LRP1B: variants seen among roughly 807,000 people sequenced by gnomAD.
The protein encoded by LRP1B is low-density lipoprotein receptor-related protein 1B.
A neutral mutation model predicts 556.6 loss-of-function variants in LRP1B; 217 were observed. The ratio of observed to expected loss-of-function variants is 0.39; its 90% CI spans 0.35 to 0.44. The LOEUF (loss-of-function observed/expected upper bound fraction) is 0.44. Among genes scored for constraint, LRP1B ranks in the 20% least tolerant of loss-of-function variants. The pLI, the probability that LRP1B is intolerant of heterozygous loss-of-function variation, is 1.00. For synonymous variants in LRP1B, 2,047 were observed against 1,865.8 expected, an observed-to-expected ratio of 1.10 and a Z score of -2.50; for missense variants, 5,053 against 5,620.8, an observed-to-expected ratio of 0.90 and a Z score of 3.23.
intron 1 of LRP1B, among the ~76,000 whole-genome samples, chr2:141,890,250 C>T (rs766440231): frequency 1.7e-4 from 26 of 149,652 alleles, no homozygotes; most frequent in Admixed American, 1.1e-3. Context: ...CAGTTATCAG[C>T]ATTGTTGTCT....
At chr2:141,843,913 G>C (rs1188526402) in intron 1 of LRP1B, among the ~76,000 whole-genome samples, 1 of 152,060 alleles carries the variant, frequency 6.6e-6, no homozygotes, top group Non-Finnish European at 1.5e-5. Flanking sequence ...GCTTTACCCA[G>C]GGAACCATAA....
chr2:141,068,703 G>A (rs1699551676), intron 7 of LRP1B, among the ~76,000 whole-genome samples: 1 of 151,888 alleles, frequency 6.6e-6, no homozygotes, highest in African/African-American at 2.4e-5. Flanking sequence ...TGATTTTACA[G>A]GCTGCTCATT....
chr2:140,454,067 C>T (rs1161278864), intron 62 of LRP1B, among the ~76,000 whole-genome samples: 1 of 152,132 alleles, frequency 6.6e-6, no homozygotes, highest in Non-Finnish European at 1.5e-5. Context: ...GTAAAATGGC[C>T]TCATAAACGA....
At chr2:140,989,133 T>C (rs955678017) in intron 17 of LRP1B, among the ~76,000 whole-genome samples, 1 of 152,114 alleles carries the variant, frequency 6.6e-6, no homozygotes, top group African/African-American at 2.4e-5. Flanking sequence ...AGAGGTATTC[T>C]ATAGTAGACT....
intron 2 of LRP1B, among the ~76,000 whole-genome samples, chr2:141,678,651 A>G (rs1172594448): frequency 1.3e-5 from 2 of 152,154 alleles, no homozygotes; most frequent in Non-Finnish European, 2.9e-5. Context: ...AGTATTCAGA[A>G]CACTCAAAGA....
intron 3 of LRP1B, among the ~76,000 whole-genome samples, chr2:141,287,170 T>G (rs1312229610): frequency 6.6e-6 from 1 of 152,178 alleles, no homozygotes; most frequent in Admixed American, 6.5e-5. Context: ...ACATTCTCTA[T>G]TACTTGTTTT....
At chr2:141,205,721 G>C (rs1273133143) in intron 6 of LRP1B, among the ~76,000 whole-genome samples, 2 of 152,056 alleles carry the variant, frequency 1.3e-5, no homozygotes, top group African/African-American at 2.4e-5. Context: ...GCATCTGATA[G>C]AGAAAAGCCT....
intron 1 of LRP1B, among the ~76,000 whole-genome samples, chr2:142,094,576 T>C (rs1706290951): frequency 6.6e-6 from 1 of 151,962 alleles, no homozygotes; most frequent in South Asian, 2.1e-4. Context: ...TATTTTAGGG[T>C]ATAATATTAT....
rs2104870838 is a variant in LRP1B at position 140,233,279 on chromosome 2, C to A, written c.13707G>T (p.Gly4569=). 1.2e-6 allele frequency: 2 copies of A among 1,604,694 alleles called. No individual in the cohort carries two copies. The highest frequency in any genetic ancestry group is 1.1e-5 in the South Asian group (1 of 90,638). Reference sequence around the variant, plus strand: ...TTCCTAAGGAGTTTCGACAGTTTTGCCCATCCATATATAATTTTGCATATA... The same window carrying A: ...TTCCTAAGGAGTTTCGACAGTTTTGACCATCCATATATAATTTTGCATATA... ...NPVYAKLYMD[G]QNCRNSLGSV... Residue 4569 remains glycine, a synonymous_variant, in exon 91 of 91, where the codon GGG becomes GGT. Transcript: ENST00000389484.
At chr2:140,886,821 C>A (rs1260137475) in intron 23 of LRP1B, among the ~76,000 whole-genome samples, 1 of 152,168 alleles carries the variant, frequency 6.6e-6, no homozygotes, top group East Asian at 1.9e-4. Context: ...TTAGGGAGTG[C>A]TTCCATTAAG....
chr2:140,936,058 G>T (rs1223695319), intron 20 of LRP1B, among the ~76,000 whole-genome samples: 1 of 151,328 alleles, frequency 6.6e-6, no homozygotes, highest in Non-Finnish European at 1.5e-5. Flanking sequence ...AAAAAAACTT[G>T]CCTGGGCATG....
At chr2:140,892,480 AG>A (rs1287133876) in intron 23 of LRP1B, among the ~76,000 whole-genome samples, 2 of 152,208 alleles carry the variant, frequency 1.3e-5, no homozygotes. Context: ...CGCAAACAAA[AG>A]CAATGATATA....
intron 41 of LRP1B, among the ~76,000 whole-genome samples, chr2:140,629,871 T>C (rs767610287): frequency 6.6e-6 from 1 of 152,134 alleles, no homozygotes; most frequent in Non-Finnish European, 1.5e-5. Context: ...TAAACTAATA[T>C]AATAAAAGAA....
At chr2:141,892,443 T>C (rs1324775367) in intron 1 of LRP1B, among the ~76,000 whole-genome samples, 1 of 151,990 alleles carries the variant, frequency 6.6e-6, no homozygotes, top group Non-Finnish European at 1.5e-5. Flanking sequence ...ATTAAATCTA[T>C]ATGGAGTGTT....
chr2:141,831,687 C>A (rs966975399), intron 1 of LRP1B, among the ~76,000 whole-genome samples: 3 of 151,536 alleles, frequency 2.0e-5, no homozygotes, highest in Non-Finnish European at 3.0e-5. Flanking sequence ...TTCCAAATAT[C>A]AGTTTTTGTC....
intron 1 of LRP1B, among the ~76,000 whole-genome samples, chr2:141,902,524 A>G (rs899403432): frequency 6.6e-6 from 1 of 152,002 alleles, no homozygotes; most frequent in Non-Finnish European, 1.5e-5. Context: ...AAGTGGTCAC[A>G]GAGAAGAGTA....
chr2:140,242,664 T>G (rs969011136), intron 87 of LRP1B, among the ~76,000 whole-genome samples: 1 of 150,946 alleles, frequency 6.6e-6, no homozygotes, highest in Non-Finnish European at 1.5e-5. Flanking sequence ...TCCAACTAGA[T>G]CTGGGGTGGA....
intron 7 of LRP1B, among the ~76,000 whole-genome samples, chr2:141,086,783 A>G (rs1173680507): frequency 6.6e-6 from 1 of 152,126 alleles, no homozygotes; most frequent in African/African-American, 2.4e-5. Flanking sequence ...ATTTGATTCA[A>G]TCCATCTCTT....
At chr2:140,654,267 T>A (rs1684794762) in intron 41 of LRP1B, among the ~76,000 whole-genome samples, 1 of 152,106 alleles carries the variant, frequency 6.6e-6, no homozygotes, top group African/African-American at 2.4e-5. Flanking sequence ...ACTGTTATAA[T>A]CAGAAGGACT....
Sources: gnomAD v4.1 joint callset for allele counts (sites outside exome capture counted in the v4.1 genomes callset) on GRCh38, gnomAD v4.1.1 for gene constraint, MANE v1.5 for transcripts, NCBI Gene and HGNC (gene_info 2026-07-23, HGNC 2026-07-21) for gene names.